OR2A14: variants seen among roughly 807,000 people sequenced by gnomAD.
OR2A14 encodes the protein olfactory receptor 2A14.
OR2A14 carries 2 observed loss-of-function variants against 2.4 expected under a neutral mutation model. The ratio of observed to expected loss-of-function variants is 0.85; its 90% CI spans 0.35 to 2.67. OR2A14 has a LOEUF of 2.67. OR2A14 is among the 30% of genes most tolerant of loss of function. The pLI is 0.10. For synonymous variants in OR2A14, 160 were observed against 156.3 expected (o/e 1.02, Z -0.18); for missense variants, 390 against 379.4 (o/e 1.03, Z -0.23).
intron 1 of OR2A14, among the ~76,000 whole-genome samples, chr7:144,125,948 G>A (rs2051479766): frequency 6.6e-6 from 1 of 152,040 alleles, no homozygotes; most frequent in Admixed American, 6.5e-5. Context: ...ACTGGGCCTT[G>A]GAACAGTAGG....
Position 144,129,173 on chromosome 7 carries a change from G to T in OR2A14, c.61G>T (p.Ala21Ser), listed in dbSNP as rs548168217. 1.1e-5 allele frequency: 17 copies of T among 1,614,198 alleles called. No individual in the cohort carries two copies. The highest frequency in any genetic ancestry group is 9.9e-5 in the South Asian group (9 of 91,084). Residue 21 changes from alanine (A) to serine (S), a missense_variant, in exon 2 of 2, where the codon GCA becomes TCA. Coordinates refer to ENST00000641068, the MANE Select transcript of OR2A14 (RefSeq NM_001001659.3). ...CTTGCCGCGATTCCAGGTTGGTCCA[G>T]CACTGGAGATTCTCCTCTGTGGACT... Reference protein sequence around the residue: ...ITLPRFQVGPALEILLCGLFS... With the variant: ...ITLPRFQVGPSLEILLCGLFS...
intron 1 of OR2A14, among the ~76,000 whole-genome samples, chr7:144,128,694 A>G (rs1378534303): frequency 1.3e-5 from 2 of 152,170 alleles, no homozygotes; most frequent in Admixed American, 1.3e-4. Context: ...AAGTGAAACC[A>G]CCTCATAATG....
rs568519902 is a variant in OR2A14, at chr7:144,130,063, C to A, written c.*18C>A. ...TGACGTGAGACATCTCAAAGGGAACCATGGGGAGGGAGCCTTGCTCCCTGC... is the reference window on the plus strand; with the variant it reads ...TGACGTGAGACATCTCAAAGGGAACAATGGGGAGGGAGCCTTGCTCCCTGC... On this transcript the variant is annotated 3_prime_UTR_variant, in exon 2 of 2. Coordinates refer to ENST00000641068, the MANE Select transcript of OR2A14 (RefSeq NM_001001659.3). 3 of 1,590,662 alleles carry A rather than the reference C, an allele frequency of 1.9e-6. No homozygotes were observed. The highest frequency in any genetic ancestry group is 4.5e-5 in the East Asian group (2 of 44,636).
rs1327005684 is a variant in OR2A14 at position 144,129,417 on chromosome 7, TG to T, written c.306del (p.Leu102PhefsTer8). The T allele has an allele frequency of 6.2e-7, 1 of 1,614,216 alleles. No homozygotes were observed. Among genetic ancestry groups the T allele is most frequent in the Non-Finnish European group, 8.5e-7 (1 of 1,180,022 alleles). ...TTTCCATGCATAATGCAGACATTCT[TG>T]TATTTGGCTTTTGCTCACGTAGAGT... ...SFFPCIMQTF[L>X]YLAFAHVECL... On this transcript the variant is annotated frameshift_variant, in exon 2 of 2. Coordinates refer to ENST00000641068, the MANE Select transcript of OR2A14 (RefSeq NM_001001659.3). LOFTEE classifies it low-confidence loss of function (END_TRUNC).
Position 144,129,510 on chromosome 7 carries a change from G to A in OR2A14, c.398G>A (p.Ser133Asn). Reference sequence around the variant, plus strand: ...ATCTGCCACCCCTTACGTTACAATAGCCTCATGAGCTGGAGAGTGTGCACT... The same window carrying A: ...ATCTGCCACCCCTTACGTTACAATAACCTCATGAGCTGGAGAGTGTGCACT... ...ADICHPLRYN[S>N]LMSWRVCTVL... is the part of the protein sequence containing the mutation. The change falls in exon 2 of 2, where the codon AGC becomes AAC. Residue 133 changes from serine (S) to asparagine (N), a missense_variant. Coordinates refer to ENST00000641068, the MANE Select transcript of OR2A14 (RefSeq NM_001001659.3). 1 of 1,613,796 alleles carries A rather than the reference G, an allele frequency of 6.2e-7. No individual in the cohort carries two copies. Among genetic ancestry groups the A allele is most frequent in the Non-Finnish European group, 8.5e-7 (1 of 1,179,896 alleles).
At position 144,123,215 on chromosome 7, in the gene OR2A14, CT is replaced by C. The variant is rs1334955575; in HGVS notation, c.-83del. Reference sequence around the variant, plus strand: ...TCTGCCTTTCCTGTCTTTGAGGTTCCTAGCAAGCCCAAGGGTATGTTAGAAG... The same window carrying C: ...TCTGCCTTTCCTGTCTTTGAGGTTCCAGCAAGCCCAAGGGTATGTTAGAAG... On this transcript the variant is annotated 5_prime_UTR_variant, in exon 1 of 2. Transcript: ENST00000641068. 1.3e-5 allele frequency: 2 copies of C among 152,128 alleles called. No individual in the cohort carries two copies. Among genetic ancestry groups the C allele is most frequent in the African/African-American group, 4.8e-5 (2 of 41,398 alleles). 9.4% of individuals were successfully genotyped at this position (152,128 alleles called of 1,614,324 possible). A position where few individuals can be genotyped will look rare whatever the true frequency, so the allele number is the denominator to read the frequency against.
intron 1 of OR2A14, 98 bp from the exon 2 acceptor site, chr7:144,128,981 G>T (rs2051504945): frequency 1.5e-6 from 1 of 689,000 alleles, no homozygotes; most frequent in Non-Finnish European, 2.4e-6. Flanking sequence ...AGCACACTTG[G>T]TTAGTTTTGG....
At chr7:144,126,542 A>G (rs1731048847) in intron 1 of OR2A14, among the ~76,000 whole-genome samples, 1 of 152,122 alleles carries the variant, frequency 6.6e-6, no homozygotes. Flanking sequence ...TCCTCTTAAG[A>G]GAGACCTTTT....
chr7:144,124,802 C>T (rs1056581981), intron 1 of OR2A14, among the ~76,000 whole-genome samples: 2 of 151,920 alleles, frequency 1.3e-5, no homozygotes, highest in Non-Finnish European at 2.9e-5. Flanking sequence ...GTGGTTACTT[C>T]AAAGGAGTCT....
chr7:144,125,235 G>C (rs2051474095), intron 1 of OR2A14, among the ~76,000 whole-genome samples: 1 of 152,144 alleles, frequency 6.6e-6, no homozygotes, highest in Admixed American at 6.5e-5. Flanking sequence ...TACTCCTGTT[G>C]CTTTCATTCT....
rs927806140 is a variant in OR2A14 at position 144,130,077 on chromosome 7, C to T, written c.*32C>T. Reference sequence around the variant, plus strand: ...TCAAAGGGAACCATGGGGAGGGAGCCTTGCTCCCTGCAAAATATAGAAGTT... The same window carrying T: ...TCAAAGGGAACCATGGGGAGGGAGCTTTGCTCCCTGCAAAATATAGAAGTT... On this transcript the variant is annotated 3_prime_UTR_variant, in exon 2 of 2. Transcript: ENST00000641068. The T allele has an allele frequency of 1.3e-6, 2 of 1,528,944 alleles. No individual in the cohort carries two copies. The highest frequency in any genetic ancestry group is 1.8e-6 in the Non-Finnish European group (2 of 1,131,202). 94.7% of individuals were successfully genotyped at this position (1,528,944 alleles called of 1,614,324 possible).
Position 144,123,984 on chromosome 7 carries a change from T to C in OR2A14, c.-35+720T>C, listed in dbSNP as rs138832269. ...TATATATCTAAAAAACCTAAGTTCT[T>C]ATGTGAGTTAATGCATTTAATCCTC... On this transcript the variant is annotated intron_variant, in intron 1 of 1. Transcript: ENST00000641068. Among the ~76,000 whole-genome samples the C allele has an allele frequency of 3.0e-3, 459 of 152,184 alleles. 2 individuals are homozygous for C. The highest frequency in any genetic ancestry group is 9.1e-3 in the African/African-American group (377 of 41,534).
At chr7:144,127,693 T>C (rs2051491520) in intron 1 of OR2A14, among the ~76,000 whole-genome samples, 1 of 152,200 alleles carries the variant, frequency 6.6e-6, no homozygotes, top group African/African-American at 2.4e-5. Context: ...TATTTTAATA[T>C]ATAAATTTGA....
At chr7:144,124,709 C>T (rs1450413900) in intron 1 of OR2A14, among the ~76,000 whole-genome samples, 1 of 152,090 alleles carries the variant, frequency 6.6e-6, no homozygotes, top group Non-Finnish European at 1.5e-5. Flanking sequence ...AATTAATCCT[C>T]TCTCTATCAT....
In OR2A14 at chr7:144,128,999, T is replaced by G; in HGVS notation, c.-34-80T>G. Reference sequence around the variant, plus strand: ...ACACTTGGTTAGTTTTGGCAACATATCTGAGAATAAATTCTAGAAAATTCA... The same window carrying G: ...ACACTTGGTTAGTTTTGGCAACATAGCTGAGAATAAATTCTAGAAAATTCA... On this transcript the variant is annotated intron_variant, in intron 1 of 1. Transcript: ENST00000641068. 3 of 887,212 alleles carry G rather than the reference T, an allele frequency of 3.4e-6. No individual in the cohort carries two copies. The African/African-American group carries it at 5.1e-5, about 15-fold the overall frequency. 55.0% of individuals were successfully genotyped at this position (887,212 alleles called of 1,614,324 possible).
Position 144,130,024 on chromosome 7 carries a change from G to C in OR2A14, c.912G>C (p.Leu304=), listed in dbSNP as rs1481194978. 1 of 1,612,326 alleles carries C rather than the reference G, an allele frequency of 6.2e-7. No individual in the cohort carries two copies. The highest frequency in any genetic ancestry group is 1.3e-5 in the African/African-American group (1 of 74,892). ...AEVKGALRRA[L]RKERLT is the part of the protein sequence containing the mutation. The stretch of plus-strand genomic sequence containing the variant: ...TCAAGGGCGCCCTGAGGAGGGCACT[G>C]AGGAAGGAGAGGCTGACGTGAGACA... The change falls in exon 2 of 2, where the codon CTG becomes CTC. Residue 304 remains leucine, a synonymous_variant. Coordinates refer to ENST00000641068, the MANE Select transcript of OR2A14 (RefSeq NM_001001659.3).
intron 1 of OR2A14, among the ~76,000 whole-genome samples, chr7:144,126,742 C>G (rs2051485183): frequency 6.6e-6 from 1 of 152,042 alleles, no homozygotes; most frequent in Non-Finnish European, 1.5e-5. Flanking sequence ...TTGAATAATA[C>G]ATGAAAGAAT....
Position 144,130,138 on chromosome 7 carries a change from T to C in OR2A14, c.*93T>C, listed in dbSNP as rs2051521578. On this transcript the variant is annotated 3_prime_UTR_variant, in exon 2 of 2. Transcript: ENST00000641068. ...TTTTGTCTTCTGCTAGAATAAATGC[T>C]ACCTTAAACTGGAATACTATAGACC... The C allele has an allele frequency of 1.0e-6, 1 of 957,426 alleles. No individual in the cohort carries two copies. The highest frequency in any genetic ancestry group is 1.6e-6 in the Non-Finnish European group (1 of 631,946). The allele number at this position is 957,426 out of a possible 1,614,324, so 59.3% of individuals were successfully genotyped here.
intron 1 of OR2A14, among the ~76,000 whole-genome samples, chr7:144,126,130 A>C (rs1314555908): frequency 1.3e-5 from 2 of 152,238 alleles, no homozygotes; most frequent in African/African-American, 4.8e-5. Flanking sequence ...TTCTGGCATT[A>C]AAATTATATT....
Sources: allele counts gnomAD v4.1 joint callset (sites outside exome capture counted in the v4.1 genomes callset), GRCh38; gene constraint gnomAD v4.1.1; transcripts MANE v1.5; gene names NCBI Gene and HGNC (gene_info 2026-07-23, HGNC 2026-07-21).